Variants in NEIL2 observed in about 807,000 individuals in gnomAD.
The protein encoded by NEIL2 is endonuclease 8-like 2.
In NEIL2, 23 loss-of-function variants were observed where a neutral mutation model predicts 22.2. That is an observed-to-expected ratio of 1.04 (90% CI 0.75 to 1.47). The LOEUF (loss-of-function observed/expected upper bound fraction) is 1.47. Among genes scored for constraint, NEIL2 ranks in the 40% most tolerant of loss-of-function variants. The pLI is 0.00. For synonymous variants in NEIL2, 229 were observed against 164.8 expected (o/e 1.39, Z -2.99); for missense variants, 583 against 404.7 (o/e 1.44, Z -3.78).
chr8:11,777,356 A>G lies in NEIL2; in HGVS notation c.139-2242A>G, dbSNP rs531777991. On this transcript the variant is annotated intron_variant, in intron 2 of 4. Coordinates refer to ENST00000284503, the MANE Select transcript of NEIL2 (RefSeq NM_145043.4). ...TCACAGTTGTCCCCCTCCCACCCCC[A>G]CCGCCTTTTAAAAATTTTTAAAATT... Among the ~76,000 whole-genome samples, 478 of 132,476 alleles carry G rather than the reference A, an allele frequency of 3.6e-3. 2 individuals carry two copies. The highest frequency in any genetic ancestry group is 0.013 in the African/African-American group (443 of 34,836). The allele number at this position is 132,476 out of a possible 152,430, so 86.9% of individuals were successfully genotyped here. A position where few individuals can be genotyped will look rare whatever the true frequency, so the allele number is the denominator to read the frequency against.
intron 3 of NEIL2, among the ~76,000 whole-genome samples, chr8:11,780,887 C>T (rs1049828405): frequency 6.6e-6 from 1 of 152,142 alleles, no homozygotes; most frequent in African/African-American, 2.4e-5. Flanking sequence ...TTGTGTACTT[C>T]TTATCAATGT....
chr8:11,781,051 G>C (rs568000472), intron 3 of NEIL2, among the ~76,000 whole-genome samples: 1 of 152,000 alleles, frequency 6.6e-6, no homozygotes, highest in African/African-American at 2.4e-5. Flanking sequence ...TATTTTTCTT[G>C]GTTGCTTGTA....
At position 11,786,518 on chromosome 8, in the gene NEIL2, A is replaced by G. The variant is rs1804969916; in HGVS notation, c.*245A>G. On this transcript the variant is annotated 3_prime_UTR_variant, in exon 5 of 5. Coordinates refer to ENST00000284503, the MANE Select transcript of NEIL2 (RefSeq NM_145043.4). ...ATTGCACCATCGTGAAAGATGGGAA[A>G]AATCGTGATGATGGGTAAGGGGAAA... 3.5e-6 allele frequency: 2 copies of G among 568,306 alleles called. No homozygotes were observed. Among genetic ancestry groups the G allele is most frequent in the Non-Finnish European group, 6.3e-6 (2 of 318,272 alleles). The allele number at this position is 568,306 out of a possible 1,614,324, so 35.2% of individuals were successfully genotyped here.
chr8:11,771,521 CA>C lies in NEIL2; in HGVS notation c.75del (p.Gly27AlafsTer32), dbSNP rs1563248401. The C allele has an allele frequency of 8.1e-6, 13 of 1,613,992 alleles. No homozygotes were observed. The highest frequency in any genetic ancestry group is 1.1e-5 in the Non-Finnish European group (13 of 1,180,030). On this transcript the variant is annotated frameshift_variant, in exon 2 of 5. Coordinates refer to ENST00000284503, the MANE Select transcript of NEIL2 (RefSeq NM_145043.4). LOFTEE classifies it high-confidence loss of function. Reference protein sequence around the residue: ...SPFVGQQVVKTGGSSKKLQPA... With the variant: ...SPFVGQQVVKXGGSSKKLQPA... ...TTTGTGGGTCAGCAGGTGGTCAAGA[CA>C]GGGGGCAGCAGTAAGAAGCTACAGC...
chr8:11,771,684 C>G (rs1159674001), intron 2 of NEIL2, 99 bp downstream of exon 2: 10 of 1,315,338 alleles, frequency 7.6e-6, no homozygotes, highest in Non-Finnish European at 1.0e-5. Context: ...TCCCTGAGTC[C>G]GGAACCACCA....
rs8191587 is a variant in NEIL2 at position 11,776,348 on chromosome 8, G to A, written c.139-3250G>A. Among the ~76,000 whole-genome samples the A allele has an allele frequency of 5.9e-3, 906 of 152,320 alleles. 4 individuals are homozygous for A. Among genetic ancestry groups the A allele is most frequent in the Middle Eastern group, 0.01 (3 of 294 alleles). On this transcript the variant is annotated intron_variant, in intron 2 of 4. Transcript: ENST00000284503. ...TCCCACCGGGTCCCCCCCACAACAC[G>A]TGGGAATTATGGGAGCTAAAATTCA...
intron 2 of NEIL2, among the ~76,000 whole-genome samples, chr8:11,774,024 CAA>C (rs1356764306): frequency 6.6e-6 from 1 of 152,152 alleles, no homozygotes; most frequent in African/African-American, 2.4e-5. Context: ...GAAGGGGAAA[CAA>C]AGGCACATCC....
At chr8:11,775,221 C>T (rs1360944501) in intron 2 of NEIL2, among the ~76,000 whole-genome samples, 1 of 152,260 alleles carries the variant, frequency 6.6e-6, no homozygotes, top group African/African-American at 2.4e-5. Flanking sequence ...CCTCAGAAAT[C>T]TAGGTGGAGG....
intron 3 of NEIL2, among the ~76,000 whole-genome samples, chr8:11,780,366 A>G (rs1465230421): frequency 2.6e-5 from 4 of 152,304 alleles, no homozygotes; most frequent in African/African-American, 9.6e-5. Flanking sequence ...GATCTTAAGT[A>G]TTCAGCTTGA....
At chr8:11,779,976 G>T in intron 3 of NEIL2, 26 bp downstream of exon 3, 2 of 1,596,928 alleles carry the variant, frequency 1.3e-6, no homozygotes, top group Non-Finnish European at 1.7e-6. Flanking sequence ...TCTGATTTTC[G>T]TGGGCTCTGA....
intron 2 of NEIL2, 125 bp downstream of exon 2, chr8:11,771,710 C>G (rs1423363333): frequency 1.1e-5 from 10 of 934,430 alleles, no homozygotes; most frequent in Admixed American, 2.5e-5. Context: ...GGACTCCATG[C>G]AGCTCCCTCT....
intron 2 of NEIL2, among the ~76,000 whole-genome samples, 181 bp downstream of exon 2, chr8:11,771,766 G>A (rs1294620402): frequency 6.6e-6 from 1 of 152,196 alleles, no homozygotes; most frequent in Non-Finnish European, 1.5e-5. Flanking sequence ...GCTGTGGACT[G>A]TAGAACTGTA....
intron 2 of NEIL2, among the ~76,000 whole-genome samples, chr8:11,776,241 C>T (rs1419810001): frequency 6.6e-6 from 1 of 152,180 alleles, no homozygotes; most frequent in Non-Finnish European, 1.5e-5. Context: ...GGGAACTGCC[C>T]TTTATAAAAC....
chr8:11,777,444 T>C (rs1268782326), intron 2 of NEIL2, among the ~76,000 whole-genome samples: 1 of 151,906 alleles, frequency 6.6e-6, no homozygotes, highest in African/African-American at 2.4e-5. Flanking sequence ...AGTTCAGTCA[T>C]GTTAAGTGTA....
chr8:11,781,046 T>C (rs1459965908), intron 3 of NEIL2, among the ~76,000 whole-genome samples: 4 of 152,196 alleles, frequency 2.6e-5, no homozygotes, highest in Non-Finnish European at 2.9e-5. Context: ...GTGGGTATTT[T>C]TCTTGGTTGC....
intron 2 of NEIL2, among the ~76,000 whole-genome samples, chr8:11,772,874 A>G (rs1311038668): frequency 6.6e-6 from 1 of 152,182 alleles, no homozygotes; most frequent in Non-Finnish European, 1.5e-5. Context: ...CATAACGGGT[A>G]CTCCATAAGT....
rs1165798701 is a variant in NEIL2, at chr8:11,774,854, C to T, written c.138+3269C>T. ...TAAAGCTCCAAAATGATCTTTGACT[C>T]CATGTCTCTCATCCAGGGCACGCTG... On this transcript the variant is annotated intron_variant, in intron 2 of 4. Transcript: ENST00000284503. Among the ~76,000 whole-genome samples, 4 of 152,216 alleles carry T rather than the reference C, an allele frequency of 2.6e-5. No homozygotes were observed. The East Asian group carries it at 7.7e-4, about 29-fold the overall frequency.
chr8:11,776,261 T>A (rs1803895328), intron 2 of NEIL2, among the ~76,000 whole-genome samples: 1 of 152,218 alleles, frequency 6.6e-6, no homozygotes, highest in Non-Finnish European at 1.5e-5. Context: ...CCATCAGATC[T>A]TGTGAGACTT....
Position 11,779,883 on chromosome 8 carries a change from T to A in NEIL2, c.424T>A (p.Trp142Arg). 3.1e-6 allele frequency: 5 copies of A among 1,614,126 alleles called. No homozygotes were observed. The highest frequency in any genetic ancestry group is 4.2e-6 in the Non-Finnish European group (5 of 1,180,022). Residue 142 changes from tryptophan (W) to arginine (R), a missense_variant, in exon 3 of 5, where the codon TGG becomes AGG. Physicochemically the swap from Trp to Arg is moderately radical, Grantham distance 101. Transcript: ENST00000284503. ...RVSFGLFGSV[W>R]VNDFSRAKKA... is the part of the protein sequence containing the mutation. ...CAGCTTTGGTTTGTTTGGCAGCGTTTGGGTGAACGATTTCTCCAGAGCCAA... is the reference window on the plus strand; with the variant it reads ...CAGCTTTGGTTTGTTTGGCAGCGTTAGGGTGAACGATTTCTCCAGAGCCAA...
Sources: allele counts gnomAD v4.1 joint callset (sites outside exome capture counted in the v4.1 genomes callset), GRCh38; gene constraint gnomAD v4.1.1; transcripts MANE v1.5; gene names NCBI Gene and HGNC (gene_info 2026-07-23, HGNC 2026-07-21).